Variants in ZDHHC2 observed in about 807,000 individuals in gnomAD.
ZDHHC2 encodes the protein zDHHC palmitoyltransferase 2.
A neutral mutation model predicts 55.6 loss-of-function variants in ZDHHC2; 51 were observed. That is an observed-to-expected ratio of 0.92 (90% CI 0.73 to 1.16). The LOEUF is 1.16. Among genes scored for constraint, ZDHHC2 ranks in the 50% most tolerant of loss-of-function variants. ZDHHC2 has a pLI of 0.00. For missense variants in ZDHHC2, 491 were observed against 442.4 expected, an observed-to-expected ratio of 1.11 and a Z score of -0.99; for synonymous variants, 199 against 152.9, an observed-to-expected ratio of 1.30 and a Z score of -2.22.
At chr8:17,216,920 G>A (rs1259036333) in intron 11 of ZDHHC2, among the ~76,000 whole-genome samples, 3 of 152,022 alleles carry the variant, frequency 2.0e-5, no homozygotes, top group Admixed American at 6.6e-5. Context: ...TCATTATTAT[G>A]TTTCTCTACT....
chr8:17,159,047 C>T (rs1804204158), intron 1 of ZDHHC2, among the ~76,000 whole-genome samples: 1 of 152,146 alleles, frequency 6.6e-6, no homozygotes, highest in African/African-American at 2.4e-5. Context: ...GAGACCATGG[C>T]AGTTTATGAG....
intron 4 of ZDHHC2, 117 bp from the exon 5 acceptor site, chr8:17,197,465 C>T (rs546517561): frequency 1.3e-5 from 11 of 838,964 alleles, no homozygotes; most frequent in South Asian, 4.3e-5. Context: ...ATTTTTTTAC[C>T]ATATTTAAAT....
chr8:17,205,820 G>C (rs111526154), intron 7 of ZDHHC2, 45 bp downstream of exon 7: 3 of 1,540,548 alleles, frequency 1.9e-6, no homozygotes, highest in African/African-American at 2.8e-5. Context: ...TACAATAATA[G>C]ATAATATAGG....
In ZDHHC2 at chr8:17,221,207, A is replaced by G. The variant is rs1807904871; in HGVS notation, c.*986A>G. The G allele has an allele frequency of 1.3e-5, 2 of 152,506 alleles. No homozygotes were observed. Among genetic ancestry groups the G allele is most frequent in the South Asian group, 4.1e-4 (2 of 4,832 alleles). 9.4% of individuals were successfully genotyped at this position (152,506 alleles called of 1,614,324 possible). On this transcript the variant is annotated 3_prime_UTR_variant, in exon 13 of 13. Coordinates refer to ENST00000262096, the MANE Select transcript of ZDHHC2 (RefSeq NM_016353.5). ...AAACTATATTTTTCCTTAAACACCT[A>G]TTACAGTTAAATTATGCAAATCATT...
intron 6 of ZDHHC2, 68 bp from the exon 7 acceptor site, chr8:17,205,587 G>A: frequency 6.9e-7 from 1 of 1,455,684 alleles, no homozygotes; most frequent in Non-Finnish European, 9.1e-7. Flanking sequence ...CTAAACACTT[G>A]CTTGAGCATA....
At chr8:17,176,022 C>T (rs1001608339) in intron 1 of ZDHHC2, among the ~76,000 whole-genome samples, 2 of 152,132 alleles carry the variant, frequency 1.3e-5, no homozygotes, top group Admixed American at 6.5e-5. Flanking sequence ...GAGGAAGAGC[C>T]AGATCATGCT....
chr8:17,219,906 A>T (rs913887333), intron 12 of ZDHHC2, among the ~76,000 whole-genome samples: 1 of 152,210 alleles, frequency 6.6e-6, no homozygotes, highest in Non-Finnish European at 1.5e-5. Flanking sequence ...ATGAATGCAG[A>T]ACTAACAACA....
chr8:17,171,448 C>A (rs1804848693), intron 1 of ZDHHC2, among the ~76,000 whole-genome samples: 2 of 152,104 alleles, frequency 1.3e-5, no homozygotes, highest in South Asian at 4.1e-4. Flanking sequence ...ATGGTCCTTC[C>A]CTTTGCCAAG....
chr8:17,212,763 C>G (rs1807447638), intron 10 of ZDHHC2, among the ~76,000 whole-genome samples: 1 of 152,078 alleles, frequency 6.6e-6, no homozygotes, highest in African/African-American at 2.4e-5. Context: ...TCTGTTCCAT[C>G]ACTTAACAAG....
In ZDHHC2 at chr8:17,223,949, G is replaced by C. The variant is rs953761317; in HGVS notation, c.*3728G>C. 2.0e-5 allele frequency: 3 copies of C among 151,680 alleles called. No homozygotes were observed. Among genetic ancestry groups the C allele is most frequent in the Non-Finnish European group, 3.0e-5 (2 of 67,736 alleles). The allele number at this position is 151,680 out of a possible 1,614,324, so 9.4% of individuals were successfully genotyped here. ...AAATCAAGTAGGCTTGTTTCAAAGA[G>C]ACTCCTGTGAATCAACTATGAATAT... On this transcript the variant is annotated 3_prime_UTR_variant, in exon 13 of 13. Coordinates refer to ENST00000262096, the MANE Select transcript of ZDHHC2 (RefSeq NM_016353.5).
chr8:17,159,291 C>G (rs1804214794), intron 1 of ZDHHC2, among the ~76,000 whole-genome samples: 1 of 152,170 alleles, frequency 6.6e-6, no homozygotes, highest in Admixed American at 6.5e-5. Flanking sequence ...CATTTACAAG[C>G]AGATTTTCCA....
At position 17,224,766 on chromosome 8, in the gene ZDHHC2, T is replaced by A. The variant is rs574580908; in HGVS notation, c.*4545T>A. 6.6e-5 allele frequency: 10 copies of A among 151,862 alleles called. No homozygotes were observed. Among genetic ancestry groups the A allele is most frequent in the African/African-American group, 2.4e-4 (10 of 41,522 alleles). The allele number at this position is 151,862 out of a possible 1,614,324, so 9.4% of individuals were successfully genotyped here. On this transcript the variant is annotated 3_prime_UTR_variant, in exon 13 of 13. Transcript: ENST00000262096. ...CTGTCAGTATGTATGGCTCCCTAAT[T>A]GAAAACATCTTAAATGAACTAATCA...
At chr8:17,159,649 C>T (rs1025760772) in intron 1 of ZDHHC2, among the ~76,000 whole-genome samples, 1 of 152,102 alleles carries the variant, frequency 6.6e-6, no homozygotes, top group African/African-American at 2.4e-5. Context: ...ATAAAAATAA[C>T]CTCTCTTTTT....
At chr8:17,209,604 T>C (rs1489195088) in intron 8 of ZDHHC2, among the ~76,000 whole-genome samples, 4 of 152,198 alleles carry the variant, frequency 2.6e-5, no homozygotes, top group Non-Finnish European at 5.9e-5. Flanking sequence ...TGTTTATGGA[T>C]CCATCCATTT....
At chr8:17,176,268 A>G (rs1805126355) in intron 1 of ZDHHC2, among the ~76,000 whole-genome samples, 1 of 152,100 alleles carries the variant, frequency 6.6e-6, no homozygotes. Flanking sequence ...ACTGGCTTGT[A>G]TGTTAACTGA....
chr8:17,201,697 G>C (rs951733040), intron 6 of ZDHHC2, among the ~76,000 whole-genome samples: 3 of 147,668 alleles, frequency 2.0e-5, no homozygotes, highest in Non-Finnish European at 4.5e-5. Context: ...TGGGTTTCAC[G>C]GTGTTAGCCA....
intron 6 of ZDHHC2, among the ~76,000 whole-genome samples, chr8:17,203,722 C>T (rs915881434): frequency 6.6e-6 from 1 of 152,142 alleles, no homozygotes; most frequent in Non-Finnish European, 1.5e-5. Context: ...CAGCAACAGG[C>T]TTGCATCCCC....
intron 8 of ZDHHC2, among the ~76,000 whole-genome samples, chr8:17,208,519 C>G (rs2904677): frequency 0.97 from 147,665 of 151,826 alleles, 71,964 homozygotes; most frequent in East Asian, 1. Context: ...GAGTTTCTAG[C>G]TCAAGGATAG....
chr8:17,208,410 A>T (rs1807211879), intron 8 of ZDHHC2, among the ~76,000 whole-genome samples: 1 of 151,822 alleles, frequency 6.6e-6, no homozygotes, highest in Admixed American at 6.6e-5. Context: ...GGGCACTAGG[A>T]ATATTTTAGA....
Sources: allele counts gnomAD v4.1 joint callset (sites outside exome capture counted in the v4.1 genomes callset), GRCh38; gene constraint gnomAD v4.1.1; transcripts MANE v1.5; gene names NCBI Gene and HGNC (gene_info 2026-07-23, HGNC 2026-07-21).